The following GFRA1 variants were observed in gnomAD, a reference collection of about 807,000 sequenced individuals.
GFRA1 encodes the protein GDNF family receptor alpha-1.
A neutral mutation model predicts 51.6 loss-of-function variants in GFRA1; 16 were observed. The observed-to-expected ratio is 0.31, with a 90% CI of 0.21 to 0.47. GFRA1 has a LOEUF of 0.47. Ranked by LOEUF, GFRA1 falls within the 20% of genes least tolerant of loss-of-function variation. GFRA1 has a pLI of 1.00. For synonymous variants in GFRA1, 270 were observed against 241.3 expected, an observed-to-expected ratio of 1.12 and a Z score of -1.10; for missense variants, 530 against 594.3, an observed-to-expected ratio of 0.89 and a Z score of 1.13.
At chr10:116,218,824 C>T (rs1365721004) in intron 4 of GFRA1, among the ~76,000 whole-genome samples, 1 of 152,200 alleles carries the variant, frequency 6.6e-6, no homozygotes, top group Non-Finnish European at 1.5e-5. Context: ...TTTTATCTCA[C>T]TCTGCCTTTT....
At chr10:116,265,746 T>C (rs184678460) in intron 4 of GFRA1, among the ~76,000 whole-genome samples, 1 of 152,280 alleles carries the variant, frequency 6.6e-6, no homozygotes, top group Admixed American at 6.5e-5. Flanking sequence ...TCTGGGATCC[T>C]AGGACACTTC....
At chr10:116,270,770 C>T (rs1339807851) in intron 3 of GFRA1, 52 bp downstream of exon 3, 1 of 1,512,476 alleles carries the variant, frequency 6.6e-7, no homozygotes, top group Middle Eastern at 1.8e-4. Context: ...ACGAAAGGCC[C>T]GCCTGCCTTC....
chr10:116,210,816 A>C (rs1415095992), intron 5 of GFRA1, among the ~76,000 whole-genome samples: 1 of 152,218 alleles, frequency 6.6e-6, no homozygotes, highest in Non-Finnish European at 1.5e-5. Flanking sequence ...AGAAAGACAC[A>C]GCAGATGTGT....
intron 4 of GFRA1, among the ~76,000 whole-genome samples, chr10:116,216,096 T>C (rs952768824): frequency 2.6e-5 from 4 of 152,168 alleles, no homozygotes; most frequent in African/African-American, 9.7e-5. Flanking sequence ...ACCCTAGAGA[T>C]CTTTAATGCA....
At chr10:116,186,576 A>AAC in intron 5 of GFRA1, among the ~76,000 whole-genome samples, 1 of 151,556 alleles carries the variant, frequency 6.6e-6, no homozygotes, top group Non-Finnish European at 1.5e-5. Context: ...CTCTTAAAAA[A>AAC]AAAAAAAAAA....
chr10:116,080,602 T>C (rs1438048280), intron 9 of GFRA1, among the ~76,000 whole-genome samples: 1 of 151,506 alleles, frequency 6.6e-6, no homozygotes, highest in Non-Finnish European at 1.5e-5. Context: ...ATTAAGAATT[T>C]GACTGGCCTT....
intron 5 of GFRA1, among the ~76,000 whole-genome samples, chr10:116,164,282 G>A (rs1170380384): frequency 6.6e-6 from 1 of 151,328 alleles, no homozygotes; most frequent in Non-Finnish European, 1.5e-5. Flanking sequence ...CATTCACCGG[G>A]CTTAAAAATT....
intron 4 of GFRA1, among the ~76,000 whole-genome samples, chr10:116,227,349 T>C (rs985459964): frequency 5.3e-5 from 8 of 152,218 alleles, no homozygotes; most frequent in Non-Finnish European, 1.2e-4. Context: ...TTTTTCAAAC[T>C]TATTCTTTGG....
intron 3 of GFRA1, among the ~76,000 whole-genome samples, chr10:116,270,413 C>T (rs1843806056): frequency 6.6e-6 from 1 of 152,326 alleles, no homozygotes; most frequent in East Asian, 1.9e-4. Flanking sequence ...TTAAAGGGAA[C>T]AAGACAGGGG....
chr10:116,067,704 G>A (rs1589760118), intron 9 of GFRA1, among the ~76,000 whole-genome samples: 1 of 152,270 alleles, frequency 6.6e-6, no homozygotes, highest in East Asian at 1.9e-4. Flanking sequence ...TATCTTAACA[G>A]GTTTTCTTAA....
At chr10:116,083,443 T>C (rs1029330341) in intron 9 of GFRA1, among the ~76,000 whole-genome samples, 66 of 152,368 alleles carry the variant, frequency 4.3e-4, no homozygotes, top group African/African-American at 1.5e-3. Context: ...CCCATTGCTC[T>C]GCTAGCATAA....
In GFRA1 at chr10:116,093,851, A is replaced by G. The variant is rs756359005; in HGVS notation, c.881-15T>C. On this transcript the variant is annotated splice_polypyrimidine_tract_variant and intron_variant, in intron 7 of 10. Transcript: ENST00000355422. ...CATGACTGTGCCTAAAAGAATAAAA[A>G]CAAGGCATTTTATTGTTGTATGATG... 9 of 1,613,440 alleles carry G rather than the reference A, an allele frequency of 5.6e-6. No homozygotes were observed. Among genetic ancestry groups the G allele is most frequent in the East Asian group, 2.2e-5 (1 of 44,884 alleles).
At chr10:116,086,585 G>T (rs1166456028) in intron 9 of GFRA1, among the ~76,000 whole-genome samples, 1 of 152,130 alleles carries the variant, frequency 6.6e-6, no homozygotes, top group Non-Finnish European at 1.5e-5. Context: ...GTGCAAAAAG[G>T]GGCTCATGCA....
At chr10:116,121,866 G>T (rs144888181) in intron 6 of GFRA1, among the ~76,000 whole-genome samples, 2 of 152,290 alleles carry the variant, frequency 1.3e-5, no homozygotes, top group East Asian at 1.9e-4. Context: ...ACTCTGGGTA[G>T]AACAACAACG....
chr10:116,122,112 G>A lies in GFRA1; in HGVS notation c.770+3109C>T, dbSNP rs78253607. Among the ~76,000 whole-genome samples the A allele has an allele frequency of 2.1e-3, 324 of 152,230 alleles. 1 individual carries two copies. Among genetic ancestry groups the A allele is most frequent in the Non-Finnish European group, 4.1e-3 (276 of 68,016 alleles). ...GGGAAGTCACGGATTCACCTTCCCA[G>A]GAAAGGCTCAAGACAGTGTATAAAA... On this transcript the variant is annotated intron_variant, in intron 6 of 10. Transcript: ENST00000355422.
At chr10:116,157,504 G>C (rs1959266823) in intron 5 of GFRA1, among the ~76,000 whole-genome samples, 1 of 152,184 alleles carries the variant, frequency 6.6e-6, no homozygotes, top group Non-Finnish European at 1.5e-5. Flanking sequence ...CCCCTCAGAA[G>C]GGATAGAGCT....
At chr10:116,267,324 G>C (rs1021507526) in intron 4 of GFRA1, among the ~76,000 whole-genome samples, 2 of 151,714 alleles carry the variant, frequency 1.3e-5, no homozygotes, top group Non-Finnish European at 2.9e-5. Flanking sequence ...AAATTATCCA[G>C]GCGTGGTGGC....
At chr10:116,187,415 A>G (rs1445923224) in intron 5 of GFRA1, among the ~76,000 whole-genome samples, 1 of 152,174 alleles carries the variant, frequency 6.6e-6, no homozygotes, top group Non-Finnish European at 1.5e-5. Context: ...GCTCAGTGAC[A>G]TCCCTTCTAA....
chr10:116,210,471 G>C (rs889772747), intron 5 of GFRA1, among the ~76,000 whole-genome samples: 1 of 152,114 alleles, frequency 6.6e-6, no homozygotes, highest in Non-Finnish European at 1.5e-5. Context: ...TTCATTACAC[G>C]AACAGTCACG....
Sources: gnomAD v4.1 joint callset for allele counts (sites outside exome capture counted in the v4.1 genomes callset) on GRCh38, gnomAD v4.1.1 for gene constraint, MANE v1.5 for transcripts, NCBI Gene and HGNC (gene_info 2026-07-23, HGNC 2026-07-21) for gene names.